SORBS2: variants seen among roughly 807,000 people sequenced by gnomAD.
SORBS2 encodes sorbin and SH3 domain containing 2.
A neutral mutation model predicts 97.7 loss-of-function variants in SORBS2; 46 were observed. The observed-to-expected ratio is 0.47, with a 90% CI of 0.37 to 0.60. SORBS2 has a LOEUF of 0.60. Among genes scored for constraint, SORBS2 ranks in the 20% least tolerant of loss-of-function variants. SORBS2 has a pLI of 0.00. For missense variants in SORBS2, 1,316 were observed against 1,282.3 expected, an observed-to-expected ratio of 1.03 and a Z score of -0.40; for synonymous variants, 476 against 473.4, an observed-to-expected ratio of 1.01 and a Z score of -0.07.
intron 1 of SORBS2, among the ~76,000 whole-genome samples, chr4:185,952,880 C>G (rs1406348790): frequency 6.6e-6 from 1 of 152,218 alleles, no homozygotes; most frequent in African/African-American, 2.4e-5. Flanking sequence ...AGCAAACATC[C>G]TCACAGGTGG....
In SORBS2 at chr4:185,624,012, C is replaced by G; in HGVS notation, c.1117G>C (p.Val373Leu). ...ATCCTGGACTTCACGGAGCAGATCA[C>G]CTCGGAGTTCATCAGGTCCTTGCGG... The change falls in exon 7 of 15, where the codon GTG becomes CTG. Residue 373 changes from valine (V) to leucine (L), a missense_variant. Coordinates refer to ENST00000418609, the Ensembl canonical transcript of SORBS2. The G allele has an allele frequency of 6.2e-7, 1 of 1,614,224 alleles. No homozygotes were observed. The highest frequency in any genetic ancestry group is 8.5e-7 in the Non-Finnish European group (1 of 1,180,042).
At chr4:185,635,189 A>G (rs1387520872) in intron 4 of SORBS2, among the ~76,000 whole-genome samples, 166 bp downstream of exon 16, 1 of 152,202 alleles carries the variant, frequency 6.6e-6, no homozygotes, top group Non-Finnish European at 1.5e-5. Context: ...CTCTGGTATA[A>G]TTAATGTCCA....
chr4:185,908,291 ATATATAT>A (rs1481295344), intron 1 of SORBS2, among the ~76,000 whole-genome samples: 1 of 66,752 alleles, frequency 1.5e-5, no homozygotes. Context: ...ATATATATAT[ATATATAT>A]ATATATATAT....
chr4:185,820,262 G>A (rs771229846), intron 1 of SORBS2, among the ~76,000 whole-genome samples: 10 of 152,172 alleles, frequency 6.6e-5, no homozygotes, highest in African/African-American at 1.4e-4. Context: ...GGAACTTATC[G>A]CAGGCTCCCT....
chr4:185,916,299 T>G (rs868411923), intron 1 of SORBS2, among the ~76,000 whole-genome samples: 17 of 152,322 alleles, frequency 1.1e-4, no homozygotes, highest in African/African-American at 4.1e-4. Flanking sequence ...TGTTTTCATC[T>G]AAAAACTATT....
At chr4:185,682,675 A>G (rs1385102443) in intron 2 of SORBS2, among the ~76,000 whole-genome samples, 1 of 152,220 alleles carries the variant, frequency 6.6e-6, no homozygotes, top group African/African-American at 2.4e-5. Context: ...AGTTGTGCAT[A>G]TTAATGCTAA....
chr4:185,845,956 T>C (rs1479109821), intron 1 of SORBS2, among the ~76,000 whole-genome samples: 2 of 152,264 alleles, frequency 1.3e-5, no homozygotes, highest in East Asian at 3.8e-4. Flanking sequence ...TCACTGCTAG[T>C]GGTGATGCAA....
rs769821977 is a variant in SORBS2 at position 185,863,552 on chromosome 4, G to A, written c.-337-88186C>T. 1.3e-4 allele frequency among the ~76,000 whole-genome samples: 20 copies of A among 152,140 alleles called. 1 individual carries two copies. The highest frequency in any genetic ancestry group is 1.3e-3 in the Admixed American group (20 of 15,270). ...TTAGTTTAGAAATACCAGTGCTATT[G>A]CATAGGATTATTTTCATTATTCAGT... On this transcript the variant is annotated intron_variant, in intron 1 of 20. Transcript: ENST00000284776.
chr4:185,612,778 C>T (rs576438397), intron 11 of SORBS2, among the ~76,000 whole-genome samples: 1 of 151,640 alleles, frequency 6.6e-6, no homozygotes, highest in Non-Finnish European at 1.5e-5. Flanking sequence ...GCATGAGCCA[C>T]TGTGCCCGGC....
At chr4:185,828,454 A>T (rs1036159806) in intron 1 of SORBS2, among the ~76,000 whole-genome samples, 1 of 152,114 alleles carries the variant, frequency 6.6e-6, no homozygotes, top group African/African-American at 2.4e-5. Context: ...TGTAGCATCC[A>T]CTAAAATCAT....
intron 2 of SORBS2, among the ~76,000 whole-genome samples, chr4:185,739,484 T>C (rs2098709102): frequency 6.6e-6 from 1 of 152,214 alleles, no homozygotes; most frequent in Non-Finnish European, 1.5e-5. Flanking sequence ...TAAGTAAATC[T>C]ACTATAAGCG....
intron 2 of SORBS2, among the ~76,000 whole-genome samples, chr4:185,721,732 C>T (rs373501032): frequency 1.9e-4 from 29 of 152,224 alleles, no homozygotes; most frequent in South Asian, 1.9e-3. Flanking sequence ...ATGTTTTGCA[C>T]GCATTGGAAA....
intron 2 of SORBS2, among the ~76,000 whole-genome samples, chr4:185,730,494 G>A (rs561738422): frequency 6.6e-6 from 1 of 152,128 alleles, no homozygotes; most frequent in Non-Finnish European, 1.5e-5. Context: ...TCTCACTATT[G>A]TCCATCTGGC....
At chr4:185,736,191 G>A (rs183724174) in intron 2 of SORBS2, among the ~76,000 whole-genome samples, 2 of 152,342 alleles carry the variant, frequency 1.3e-5, no homozygotes, top group East Asian at 3.9e-4. Flanking sequence ...CTTAGAGACT[G>A]TCAATGAAGG....
chr4:185,868,155 C>CTTTTTTTTTTTTTTTTT lies in SORBS2; in HGVS notation c.-338+88040_-338+88041insAAAAAAAAAAAAAAAAA, dbSNP rs1431293135. The stretch of plus-strand genomic sequence containing the variant: ...CCTTTCTCTTTTCTTTTCTTTTTTT[C>CTTTTTTTTTTTTTTTTT]TTTCTTTTTTTTTTTTTTTGAGGCA... On this transcript the variant is annotated intron_variant, in intron 1 of 20. Transcript: ENST00000284776. Among the ~76,000 whole-genome samples the CTTTTTTTTTTTTTTTTT allele has an allele frequency of 7.5e-4, 76 of 100,734 alleles. 8 individuals carry two copies. The highest frequency in any genetic ancestry group is 9.9e-4 in the Admixed American group (9 of 9,112). 66.1% of individuals were successfully genotyped at this position (100,734 alleles called of 152,430 possible).
chr4:185,743,488 T>G (rs1438357513), intron 2 of SORBS2, among the ~76,000 whole-genome samples: 2 of 152,174 alleles, frequency 1.3e-5, no homozygotes, highest in African/African-American at 4.8e-5. Flanking sequence ...CACATTGTCC[T>G]TCATTGCTGA....
chr4:185,603,015 T>C (rs897876181), intron 12 of SORBS2, among the ~76,000 whole-genome samples: 8 of 152,356 alleles, frequency 5.3e-5, no homozygotes, highest in Admixed American at 3.9e-4. Flanking sequence ...TAAAATATTC[T>C]TTTAAAACAT....
chr4:185,805,257 C>A (rs575609032), intron 1 of SORBS2, among the ~76,000 whole-genome samples: 40 of 151,766 alleles, frequency 2.6e-4, no homozygotes, highest in Non-Finnish European at 5.6e-4. Flanking sequence ...TTAATAATAG[C>A]CTTTTTAAAT....
intron 2 of SORBS2, among the ~76,000 whole-genome samples, chr4:185,741,237 C>T (rs2098723158): frequency 6.6e-6 from 1 of 151,622 alleles, no homozygotes; most frequent in East Asian, 2.0e-4. Flanking sequence ...AGCATTATGT[C>T]AGAAAGGGCA....
Sources: gnomAD v4.1 joint callset for allele counts (sites outside exome capture counted in the v4.1 genomes callset) on GRCh38, gnomAD v4.1.1 for gene constraint, MANE v1.5 for transcripts, NCBI Gene and HGNC (gene_info 2026-07-23, HGNC 2026-07-21) for gene names.